The following SLC6A12 variants were observed in gnomAD, a reference collection of about 807,000 sequenced individuals.
SLC6A12 encodes the protein solute carrier family 6 member 12, also known as sodium- and chloride-dependent betaine transporter.
In SLC6A12, 50 loss-of-function variants were observed where a neutral mutation model predicts 73.3. The observed-to-expected ratio is 0.68, with a 90% confidence interval of 0.54 to 0.86. SLC6A12 has a LOEUF of 0.86. SLC6A12 is among the 40% of genes least tolerant of loss of function. The pLI is 0.00. For synonymous variants in SLC6A12, 304 were observed against 309.2 expected, an observed-to-expected ratio of 0.98 and a Z score of 0.18; for missense variants, 648 against 772.8, an observed-to-expected ratio of 0.84 and a Z score of 1.92.
rs1230527559 is a variant in SLC6A12 at position 209,948 on chromosome 12, A to C, written c.39T>G (p.Pro13=). 6.2e-7 allele frequency: 1 copy of C among 1,614,042 alleles called. No homozygotes were observed. Among genetic ancestry groups the C allele is most frequent in the East Asian group, 2.2e-5 (1 of 44,886 alleles). ...CCTCCTCGGGGACCCAGGAGACTGC[A>C]GGAGGCCCACACTCTTGCACTGCCA... ...GKVAVQECGP[P]AVSWVPEEGE... The change falls in exon 3 of 16, where the codon CCT becomes CCG. Residue 13 remains proline (P), a synonymous_variant. Transcript: ENST00000684302.
At position 204,503 on chromosome 12, in the gene SLC6A12, C is replaced by T. The variant is rs1317633518; in HGVS notation, c.349+61G>A. On this transcript the variant is annotated intron_variant, in intron 4 of 15. Transcript: ENST00000684302. ...AGCGGATGGGTAGGCAGGGAGAGAC[C>T]ATGGGGGGATGCAGGCAAGATGGCG... The T allele has an allele frequency of 2.0e-5, 30 of 1,527,212 alleles. 1 individual carries two copies. The highest frequency in any genetic ancestry group is 2.6e-5 in the Non-Finnish European group (29 of 1,104,754). 94.6% of individuals were successfully genotyped at this position (1,527,212 alleles called of 1,614,324 possible).
chr12:208,840 G>T (rs1204904842), intron 3 of SLC6A12, among the ~76,000 whole-genome samples: 3 of 152,188 alleles, frequency 2.0e-5, no homozygotes, highest in Admixed American at 2.0e-4. Flanking sequence ...TAAGGAACTG[G>T]CCCCTCCCCA....
intron 13 of SLC6A12, among the ~76,000 whole-genome samples, chr12:194,430 G>A (rs1420066607): frequency 6.6e-6 from 1 of 152,234 alleles, no homozygotes; most frequent in Non-Finnish European, 1.5e-5. Context: ...TGTGACATTG[G>A]CACTGGGTTC....
At position 210,287 on chromosome 12, in the gene SLC6A12, C is replaced by T. The variant is rs148378141; in HGVS notation, c.-57-244G>A. 2.5e-5 allele frequency: 30 copies of T among 1,188,700 alleles called. No individual in the cohort carries two copies. In the East Asian group the frequency reaches 8.7e-4, roughly 35 times the overall value. The allele number at this position is 1,188,700 out of a possible 1,614,324, so 73.6% of individuals were successfully genotyped here. On this transcript the variant is annotated intron_variant, in intron 2 of 15. Coordinates refer to ENST00000684302, the MANE Select transcript of SLC6A12 (RefSeq NM_001122848.3). ...ACCCAAGACCACTCAGGAGTGGAAC[C>T]GTGATGAAAACTCAGGCTCGGGCTT...
chr12:187,589 CAAAAAAAAAAAAAAAAAAAAAA>C (rs761187495), downstream of SLC6A12, among the ~76,000 whole-genome samples: 1,210 of 106,038 alleles, frequency 0.011, 39 homozygotes, highest in Non-Finnish European at 0.014. Flanking sequence ...TGCAAAAGAG[CAAAAAAAAAAAAAAAAAAAAAA>C]AAAAAAAAAA....
At position 210,007 on chromosome 12, in the gene SLC6A12, A is replaced by G. The variant is rs1239509967; in HGVS notation, c.-21T>C. The G allele has an allele frequency of 2.5e-6, 4 of 1,612,320 alleles. No homozygotes were observed. The highest frequency in any genetic ancestry group is 3.4e-6 in the Non-Finnish European group (4 of 1,178,566). On this transcript the variant is annotated 5_prime_UTR_variant, in exon 3 of 16. Coordinates refer to ENST00000684302, the MANE Select transcript of SLC6A12 (RefSeq NM_001122848.3). ...TCCATGGCTGTGTGGTGGGTTGGGA[A>G]GCCCCGCTGGGTGGGCAGGATGACG...
rs558408101 is a variant in SLC6A12, at chr12:205,551, T to C, written c.215-853A>G. On this transcript the variant is annotated intron_variant, in intron 3 of 15. Coordinates refer to ENST00000684302, the MANE Select transcript of SLC6A12 (RefSeq NM_001122848.3). ...CTTTAAAGACGGAAAAACCGAAGCATGAATGAGGAAACTGAGGCACAAGCC... is the reference window on the plus strand; with the variant it reads ...CTTTAAAGACGGAAAAACCGAAGCACGAATGAGGAAACTGAGGCACAAGCC... Among the ~76,000 whole-genome samples, 9 of 152,280 alleles carry C rather than the reference T, an allele frequency of 5.9e-5. No homozygotes were observed. The South Asian group carries it at 1.9e-3, about 32-fold the overall frequency.
At chr12:200,275 A>AT (rs1171763589) in intron 7 of SLC6A12, among the ~76,000 whole-genome samples, 4 of 150,372 alleles carry the variant, frequency 2.7e-5, no homozygotes, top group East Asian at 1.9e-4. Context: ...CGCCCGGCTA[A>AT]TTTTTTGTAT....
chr12:204,268 C>T (rs1023355361), intron 4 of SLC6A12: 45 of 378,450 alleles, frequency 1.2e-4, no homozygotes, highest in Non-Finnish European at 2.0e-4. Flanking sequence ...TCACTCGGCT[C>T]CAGCCCCTCG....
rs567306975 is a variant in SLC6A12, at chr12:213,694, C to T, written c.-143+228G>A. ...GGACTTTCCTGCTCCACAGGCTAAT[C>T]ACTGAGCTGCTCCCACGCTGGATGG... On this transcript the variant is annotated intron_variant, in intron 1 of 15. Transcript: ENST00000684302. The surrounding 1 kb of genome is among the most constrained non-coding windows in gnomAD (Gnocchi z 5.3). 1.3e-5 allele frequency: 2 copies of T among 152,860 alleles called. No individual in the cohort carries two copies. The highest frequency in any genetic ancestry group is 2.1e-4 in the South Asian group (1 of 4,844). The allele number at this position is 152,860 out of a possible 1,614,324, so 9.5% of individuals were successfully genotyped here.
intron 3 of SLC6A12, among the ~76,000 whole-genome samples, chr12:205,661 C>T (rs1176974339): frequency 6.6e-6 from 1 of 152,132 alleles, no homozygotes; most frequent in African/African-American, 2.4e-5. Context: ...ATGTAGAAAA[C>T]ATAGAAAGTA....
At chr12:200,595 T>C in intron 7 of SLC6A12, 56 bp downstream of exon 7, 1 of 1,570,638 alleles carries the variant, frequency 6.4e-7, no homozygotes, top group Non-Finnish European at 8.7e-7. Context: ...CCCCCTCAAG[T>C]GTCCCCGTAG....
At chr12:191,489 T>C (rs1447336773) in intron 15 of SLC6A12, among the ~76,000 whole-genome samples, 1 of 152,248 alleles carries the variant, frequency 6.6e-6, no homozygotes, top group African/African-American at 2.4e-5. Flanking sequence ...CCCTCAATTT[T>C]CTTACCTGTA....
chr12:199,726 G>T (rs1940111110), intron 7 of SLC6A12: 1 of 152,182 alleles, frequency 6.6e-6, no homozygotes, highest in Non-Finnish European at 1.5e-5. Flanking sequence ...AAAAAGGCAT[G>T]AAGCACAGTC....
At position 198,947 on chromosome 12, in the gene SLC6A12, C is replaced by T. The variant is rs1160001727; in HGVS notation, c.712-16G>A. 2.5e-6 allele frequency: 4 copies of T among 1,613,624 alleles called. No individual in the cohort carries two copies. Among genetic ancestry groups the T allele is most frequent in the Non-Finnish European group, 3.4e-6 (4 of 1,179,780 alleles). On this transcript the variant is annotated splice_polypyrimidine_tract_variant and intron_variant, in intron 7 of 15. Transcript: ENST00000684302. The surrounding 1 kb of genome is among the most constrained non-coding windows in gnomAD (Gnocchi z 4.0). ...AATAAACCACCTGGAGGTGGGGGGA[C>T]AGGCCAAGGTCACTCCTGGTGGGGA...
chr12:188,251 G>A (rs1363857935), downstream of SLC6A12, among the ~76,000 whole-genome samples: 2 of 152,192 alleles, frequency 1.3e-5, no homozygotes, highest in Admixed American at 6.5e-5. Context: ...TGCAGGTTCC[G>A]AGCCCTGCCC....
At chr12:185,035 T>C in the SLC6A12 span, among the ~76,000 whole-genome samples, 1 of 152,142 alleles carries the variant, frequency 6.6e-6, no homozygotes, top group East Asian at 1.9e-4. Context: ...CACTTCTAGT[T>C]ACCAAGTGAA....
downstream of SLC6A12, among the ~76,000 whole-genome samples, chr12:186,322 G>A (rs797739): frequency 0.025 from 3,820 of 152,276 alleles, 163 homozygotes; most frequent in African/African-American, 0.088. Flanking sequence ...GCCTTCCACC[G>A]GCAGCCACAG....
downstream of SLC6A12, among the ~76,000 whole-genome samples, chr12:188,858 C>G (rs1939493651): frequency 6.6e-6 from 1 of 152,164 alleles, no homozygotes; most frequent in African/African-American, 2.4e-5. Flanking sequence ...TCCCGCACCC[C>G]CCTCCCCGTT....
Sources: allele counts gnomAD v4.1 joint callset (sites outside exome capture counted in the v4.1 genomes callset), GRCh38; gene constraint gnomAD v4.1.1; non-coding constraint Gnocchi (gnomAD v3.1); transcripts MANE v1.5; gene names NCBI Gene and HGNC (gene_info 2026-07-23, HGNC 2026-07-21).